The following CHN2 variants were observed in gnomAD, a reference collection of about 807,000 sequenced individuals.
The protein encoded by CHN2 is chimerin 2.
Under a neutral mutation model 56.3 loss-of-function variants are expected in CHN2, and 35 were observed. The ratio of observed to expected loss-of-function variants is 0.62; its 90% CI spans 0.47 to 0.82. The LOEUF (loss-of-function observed/expected upper bound fraction) is 0.82. Among genes scored for constraint, CHN2 ranks in the 40% least tolerant of loss-of-function variants. The pLI, the probability that CHN2 is intolerant of heterozygous loss-of-function variation, is 0.00. For synonymous variants in CHN2, 210 were observed against 212.8 expected (o/e 0.99, Z 0.12); for missense variants, 491 against 580.5 (o/e 0.85, Z 1.58).
At chr7:29,204,067 C>CTCTG (rs1428226236) in intron 1 of CHN2, among the ~76,000 whole-genome samples, 12 of 128,760 alleles carry the variant, frequency 9.3e-5, no homozygotes, top group African/African-American at 3.4e-4. Context: ...TTCTCTCTCT[C>CTCTG]TGTGTGTGTG....
chr7:29,400,884 G>A (rs1391792603), intron 6 of CHN2, 56 bp downstream of exon 6: 2 of 1,562,598 alleles, frequency 1.3e-6, no homozygotes, highest in African/African-American at 1.4e-5. Context: ...GCATCAACAG[G>A]CGGGTTAACT....
intron 11 of CHN2, 36 bp downstream of exon 11, chr7:29,507,401 A>G: frequency 6.7e-7 from 1 of 1,501,632 alleles, no homozygotes; most frequent in African/African-American, 1.4e-5. Context: ...TTTCTACCAA[A>G]TTTTTAAGTA....
At chr7:29,507,533 C>T (rs1790717337) in intron 11 of CHN2, among the ~76,000 whole-genome samples, 168 bp downstream of exon 11, 1 of 152,216 alleles carries the variant, frequency 6.6e-6, no homozygotes, top group Non-Finnish European at 1.5e-5. Flanking sequence ...AACAGCTGAG[C>T]TGAACCAGTT....
intron 6 of CHN2, among the ~76,000 whole-genome samples, chr7:29,464,226 A>T (rs1785389204): frequency 6.6e-6 from 1 of 152,190 alleles, no homozygotes; most frequent in Non-Finnish European, 1.5e-5. Context: ...TCAACACAAC[A>T]ATCCTGAGGT....
chr7:29,425,532 C>A (rs1345728101), intron 6 of CHN2, among the ~76,000 whole-genome samples: 1 of 152,192 alleles, frequency 6.6e-6, no homozygotes, highest in Non-Finnish European at 1.5e-5. Flanking sequence ...GAGAAAAATT[C>A]TTCTTAGAAG....
chr7:29,433,868 GGGGAGGAA>G lies in CHN2; in HGVS notation c.576+33061_576+33068del, dbSNP rs57306490. On this transcript the variant is annotated intron_variant, in intron 6 of 12. Transcript: ENST00000222792. The stretch of plus-strand genomic sequence containing the variant: ...AAAAAAAAAAGGAAGGAAGGGAGAG[GGGGAGGAA>G]GGGAGGAAGGGAGGAAGGGATGAAG... Among the ~76,000 whole-genome samples, 490 of 146,572 alleles carry G rather than the reference GGGGAGGAA, an allele frequency of 3.3e-3. 3 individuals are homozygous for G. The highest frequency in any genetic ancestry group is 0.011 in the African/African-American group (416 of 39,092).
chr7:29,267,887 A>G (rs1008193184), intron 1 of CHN2, among the ~76,000 whole-genome samples: 2 of 152,158 alleles, frequency 1.3e-5, no homozygotes, highest in African/African-American at 4.8e-5. Flanking sequence ...AGAGCAGCCA[A>G]ATCAGCTTCT....
chr7:29,497,144 A>G (rs761988326), intron 8 of CHN2, among the ~76,000 whole-genome samples: 20 of 152,142 alleles, frequency 1.3e-4, no homozygotes, highest in Non-Finnish European at 2.5e-4. Flanking sequence ...TTGCAGGTCT[A>G]TGTTTAAGGG....
At chr7:29,425,999 A>G (rs1024903327) in intron 6 of CHN2, among the ~76,000 whole-genome samples, 3 of 152,046 alleles carry the variant, frequency 2.0e-5, no homozygotes, top group Non-Finnish European at 2.9e-5. Flanking sequence ...TCATGAGGTC[A>G]GGAGTTCAAG....
At chr7:29,272,953 G>A (rs980147888) in intron 1 of CHN2, among the ~76,000 whole-genome samples, 2 of 151,980 alleles carry the variant, frequency 1.3e-5, no homozygotes, top group African/African-American at 4.8e-5. Flanking sequence ...ATCTAAGTGT[G>A]ACTGGCTTAA....
intron 4 of CHN2, chr7:29,397,365 T>A (rs1801840079): frequency 6.6e-6 from 1 of 152,234 alleles, no homozygotes; most frequent in Non-Finnish European, 1.5e-5. Flanking sequence ...TACTTCCCTT[T>A]CCTCCTCTTC....
At chr7:29,162,077 A>G (rs1442088782) in intron 2 of CHN2, among the ~76,000 whole-genome samples, 2 of 152,360 alleles carry the variant, frequency 1.3e-5, no homozygotes, top group East Asian at 1.9e-4. Flanking sequence ...CGCTGGTGGC[A>G]ATGTTAAACA....
chr7:29,211,450 GCACACACACA>G lies in CHN2; in HGVS notation c.49+16495_49+16504del, dbSNP rs148200755. Among the ~76,000 whole-genome samples, 648 of 138,434 alleles carry G rather than the reference GCACACACACA, an allele frequency of 4.7e-3. 3 individuals are homozygous for G. Among genetic ancestry groups the G allele is most frequent in the African/African-American group, 0.015 (575 of 37,798 alleles). 90.8% of individuals were successfully genotyped at this position (138,434 alleles called of 152,430 possible). A position where few individuals can be genotyped will look rare whatever the true frequency, so the allele number is the denominator to read the frequency against. On this transcript the variant is annotated intron_variant, in intron 1 of 12. Coordinates refer to ENST00000222792, the MANE Select transcript of CHN2 (RefSeq NM_004067.4). ...GACTAAACACAAATGCTGCATGTTG[GCACACACACA>G]CACACACACACACACACACACACAC...
chr7:29,500,654 C>A (rs999238547), intron 9 of CHN2, among the ~76,000 whole-genome samples: 1 of 151,860 alleles, frequency 6.6e-6, no homozygotes, highest in Admixed American at 6.6e-5. Flanking sequence ...TATTTAAGGA[C>A]GGTGAGAAGG....
intron 1 of CHN2, among the ~76,000 whole-genome samples, chr7:29,350,111 A>T (rs1797764667): frequency 6.6e-6 from 1 of 152,134 alleles, no homozygotes; most frequent in Admixed American, 6.5e-5. Context: ...ATTTCAATAT[A>T]TGTAAATTTG....
At chr7:29,147,503 A>T (rs549046899) in intron 2 of CHN2, among the ~76,000 whole-genome samples, 1 of 152,366 alleles carries the variant, frequency 6.6e-6, no homozygotes, top group Middle Eastern at 3.4e-3. Flanking sequence ...AGCTGGAACA[A>T]ACTAATGTCA....
At chr7:29,457,465 TCTGAGTG>T (rs1784851937) in intron 6 of CHN2, among the ~76,000 whole-genome samples, 1 of 152,176 alleles carries the variant, frequency 6.6e-6, no homozygotes, top group South Asian at 2.1e-4. Flanking sequence ...CTGGAAACGG[TCTGAGTG>T]CTGAGCAGTA....
In CHN2 at chr7:29,313,479, G is replaced by A. The variant is rs532460510; in HGVS notation, c.50-41146G>A. ...GGTGTCAGCTCACTCTCAGAAAAATGCAGAAGCAGCCCTGGCCCTACCCGA... is the reference window on the plus strand; with the variant it reads ...GGTGTCAGCTCACTCTCAGAAAAATACAGAAGCAGCCCTGGCCCTACCCGA... On this transcript the variant is annotated intron_variant, in intron 1 of 12. Coordinates refer to ENST00000222792, the MANE Select transcript of CHN2 (RefSeq NM_004067.4). Among the ~76,000 whole-genome samples, 282 of 152,220 alleles carry A rather than the reference G, an allele frequency of 1.9e-3. 1 individual carries two copies. The highest frequency in any genetic ancestry group is 6.7e-3 in the African/African-American group (277 of 41,540).
intron 6 of CHN2, among the ~76,000 whole-genome samples, chr7:29,447,289 GA>G (rs1372461730): frequency 1.3e-5 from 2 of 152,176 alleles, no homozygotes; most frequent in Non-Finnish European, 2.9e-5. Flanking sequence ...CAAACCTTTA[GA>G]AATGAAAATT....
Sources: allele counts gnomAD v4.1 joint callset (sites outside exome capture counted in the v4.1 genomes callset), GRCh38; gene constraint gnomAD v4.1.1; transcripts MANE v1.5; gene names NCBI Gene and HGNC (gene_info 2026-07-23, HGNC 2026-07-21).